Variants in SIRPD observed in about 807,000 individuals in gnomAD.
SIRPD encodes signal-regulatory protein delta.
SIRPD carries 21 observed loss-of-function variants against 18.0 expected under a neutral mutation model. The ratio of observed to expected loss-of-function variants is 1.17; its 90% CI spans 0.83 to 1.68. The LOEUF is 1.68. Ranked by LOEUF, SIRPD falls within the 40% of genes most tolerant of loss-of-function variation. The probability of loss-of-function intolerance (pLI) is 0.00; values close to 1 mark genes in which losing one functional copy is unlikely to be tolerated. For synonymous variants in SIRPD, 106 were observed against 92.9 expected (o/e 1.14, Z -0.81); for missense variants, 295 against 238.4 (o/e 1.24, Z -1.56).
chr20:1,551,960 C>T lies in SIRPD; in HGVS notation c.152G>A (p.Cys51Tyr), dbSNP rs569155821. 2.4e-5 allele frequency: 39 copies of T among 1,614,050 alleles called. No homozygotes were observed. The highest frequency in any genetic ancestry group is 1.3e-4 in the Admixed American group (8 of 60,008). The change falls in exon 2 of 4, where the codon TGC becomes TAC. Residue 51 changes from cysteine (C) to tyrosine (Y), a missense_variant. Transcript: ENST00000381623. ...ATTTGGTAAGGTATTGGGTACGCTG[C>T]AACTCAAGATGATTGACTCCCCAGT... ...VSTGESIILS[C>Y]SVPNTLPNGP...
At chr20:1,548,699 T>G (rs1377297592) in intron 2 of SIRPD, among the ~76,000 whole-genome samples, 2 of 152,280 alleles carry the variant, frequency 1.3e-5, no homozygotes, top group East Asian at 3.9e-4. Flanking sequence ...AATTTTTATG[T>G]CTTCTAGGAG....
intron 2 of SIRPD, among the ~76,000 whole-genome samples, chr20:1,538,294 T>C (rs190243683): frequency 2.6e-5 from 4 of 152,310 alleles, no homozygotes; most frequent in South Asian, 4.1e-4. Context: ...TGTAGCATGA[T>C]GAGTGTCCCT....
chr20:1,540,730 G>A (rs2090967258), intron 2 of SIRPD, among the ~76,000 whole-genome samples: 1 of 152,116 alleles, frequency 6.6e-6, no homozygotes, highest in African/African-American at 2.4e-5. Context: ...ATGGTCATTT[G>A]CTGCACCCAT....
chr20:1,545,856 C>G (rs568163720), intron 2 of SIRPD, among the ~76,000 whole-genome samples: 2 of 152,196 alleles, frequency 1.3e-5, no homozygotes, highest in African/African-American at 4.8e-5. Flanking sequence ...TGTTAGTTTT[C>G]CTTTTGACAG....
At chr20:1,554,552 A>G (rs1394901280) in intron 1 of SIRPD, among the ~76,000 whole-genome samples, 1 of 152,222 alleles carries the variant, frequency 6.6e-6, no homozygotes, top group African/African-American at 2.4e-5. Context: ...GCACTAAATA[A>G]ACATATTTTA....
At chr20:1,555,912 T>TG (rs984310952) in intron 1 of SIRPD, among the ~76,000 whole-genome samples, 1 of 152,198 alleles carries the variant, frequency 6.6e-6, no homozygotes, top group Non-Finnish European at 1.5e-5. Context: ...TGTTCTCATC[T>TG]GGGGGTTTGA....
At chr20:1,553,381 T>C (rs2091027435) in intron 1 of SIRPD, among the ~76,000 whole-genome samples, 2 of 152,114 alleles carry the variant, frequency 1.3e-5, no homozygotes, top group African/African-American at 4.8e-5. Flanking sequence ...CATGGAGGCA[T>C]GTAGAGATTC....
At chr20:1,542,083 GC>G (rs1230720353) in intron 2 of SIRPD, among the ~76,000 whole-genome samples, 1 of 152,128 alleles carries the variant, frequency 6.6e-6, no homozygotes, top group Admixed American at 6.5e-5. Flanking sequence ...GATGCCTCTA[GC>G]TTTGCTCTTT....
chr20:1,542,929 C>T (rs566274671), intron 2 of SIRPD, among the ~76,000 whole-genome samples: 17 of 152,214 alleles, frequency 1.1e-4, no homozygotes, highest in African/African-American at 3.6e-4. Context: ...TGATGGATTA[C>T]GTTTATTGAT....
At chr20:1,549,202 G>A (rs1385778607) in intron 2 of SIRPD, among the ~76,000 whole-genome samples, 1 of 151,748 alleles carries the variant, frequency 6.6e-6, no homozygotes, top group East Asian at 1.9e-4. Flanking sequence ...AATAATTTCT[G>A]TTTATTGATA....
intron 2 of SIRPD, among the ~76,000 whole-genome samples, chr20:1,547,558 G>A (rs1254900224): frequency 6.6e-6 from 1 of 152,162 alleles, no homozygotes; most frequent in Non-Finnish European, 1.5e-5. Flanking sequence ...CGTCCAGCCT[G>A]TAGTAAGTTT....
intron 3 of SIRPD, among the ~76,000 whole-genome samples, chr20:1,536,150 T>C (rs1161871706): frequency 6.6e-6 from 1 of 152,224 alleles, no homozygotes; most frequent in Non-Finnish European, 1.5e-5. Context: ...TGGGCTCATA[T>C]TTGCACTTAT....
Position 1,551,733 on chromosome 20 carries a change from T to C in SIRPD, c.379A>G (p.Lys127Glu), listed in dbSNP as rs1353611519. 5 of 1,614,054 alleles carry C rather than the reference T, an allele frequency of 3.1e-6. No individual in the cohort carries two copies. The South Asian group carries it at 5.5e-5, about 18-fold the overall frequency. Residue 127 changes from lysine to glutamate, a missense_variant, in exon 2 of 4, where the codon AAG (lysine) becomes GAG (glutamate). Physicochemically the swap from Lys to Glu is moderately conservative, Grantham distance 56. Transcript: ENST00000381623. ...GTGCCCCGACCTGATTGGTACTCCT[T>C]GATAGCTCTTCCTTTTATGAACTTC... ...CVKFIKGRAI[K>E]EYQSGRGTQV... is the part of the protein sequence containing the mutation.
At chr20:1,539,134 T>C (rs1282893402) in intron 2 of SIRPD, among the ~76,000 whole-genome samples, 2 of 152,198 alleles carry the variant, frequency 1.3e-5, no homozygotes, top group Non-Finnish European at 2.9e-5. Flanking sequence ...GGCTATAAAT[T>C]CCAAGTACAG....
chr20:1,551,361 C>A (rs1375285011), intron 2 of SIRPD, among the ~76,000 whole-genome samples: 1 of 152,188 alleles, frequency 6.6e-6, no homozygotes, highest in East Asian at 1.9e-4. Flanking sequence ...CTCTGATAGA[C>A]CCAAACTGGC....
intron 3 of SIRPD, 46 bp downstream of exon 3, chr20:1,537,109 A>G (rs1305463816): frequency 6.3e-7 from 1 of 1,594,642 alleles, no homozygotes; most frequent in Non-Finnish European, 8.6e-7. Context: ...CGCCAAACTC[A>G]GGAGAGCATC....
chr20:1,536,696 AATCT>A (rs1437333574), intron 3 of SIRPD, among the ~76,000 whole-genome samples: 1 of 152,088 alleles, frequency 6.6e-6, no homozygotes, highest in African/African-American at 2.4e-5. Context: ...CTATCTATCT[AATCT>A]ATCTATTAAT....
chr20:1,555,137 G>A (rs374896961), intron 1 of SIRPD, among the ~76,000 whole-genome samples: 1 of 152,088 alleles, frequency 6.6e-6, no homozygotes, highest in South Asian at 2.1e-4. Context: ...ACATGCAGTA[G>A]AATACTATTT....
At chr20:1,539,525 C>T (rs1165355800) in intron 2 of SIRPD, among the ~76,000 whole-genome samples, 1 of 152,178 alleles carries the variant, frequency 6.6e-6, no homozygotes, top group Non-Finnish European at 1.5e-5. Flanking sequence ...TCCTTACTGA[C>T]ATTTTGTCTG....
Sources: allele counts gnomAD v4.1 joint callset (sites outside exome capture counted in the v4.1 genomes callset), GRCh38; gene constraint gnomAD v4.1.1; transcripts MANE v1.5; gene names NCBI Gene and HGNC (gene_info 2026-07-23, HGNC 2026-07-21).